The following AVEN variants were observed in gnomAD, a reference collection of about 807,000 sequenced individuals.
The protein encoded by AVEN is apoptosis and caspase activation inhibitor.
A neutral mutation model predicts 38.1 loss-of-function variants in AVEN; 41 were observed. The observed-to-expected ratio is 1.08, with a 90% CI of 0.84 to 1.40. The LOEUF (loss-of-function observed/expected upper bound fraction) is 1.40, where lower values mean the gene tolerates loss of function less well. Among genes scored for constraint, AVEN ranks in the 40% most tolerant of loss-of-function variants. The pLI, the probability that AVEN is intolerant of heterozygous loss-of-function variation, is 0.00. For missense variants in AVEN, 605 were observed against 438.8 expected, an observed-to-expected ratio of 1.38 and a Z score of -3.38; for synonymous variants, 206 against 171.8, an observed-to-expected ratio of 1.20 and a Z score of -1.56.
intron 5 of AVEN, among the ~76,000 whole-genome samples, chr15:34,044,776 C>T (rs1303854138): frequency 6.6e-6 from 1 of 152,138 alleles, no homozygotes; most frequent in Non-Finnish European, 1.5e-5. Flanking sequence ...TTTGGCTGGG[C>T]GCGGTGGCTC....
At chr15:33,965,096 T>A (rs1895336147) in intron 2 of AVEN, among the ~76,000 whole-genome samples, 1 of 152,164 alleles carries the variant, frequency 6.6e-6, no homozygotes, top group Non-Finnish European at 1.5e-5. Context: ...CTGTTAAAAA[T>A]TATGCATTAT....
chr15:33,933,384 G>T (rs909438899), intron 2 of AVEN, among the ~76,000 whole-genome samples: 5 of 152,048 alleles, frequency 3.3e-5, no homozygotes, highest in African/African-American at 1.2e-4. Context: ...GAGATGGAGA[G>T]AAATGAATGT....
chr15:33,997,737 A>T (rs984468304), intron 2 of AVEN, among the ~76,000 whole-genome samples: 2 of 152,046 alleles, frequency 1.3e-5, no homozygotes, highest in African/African-American at 4.8e-5. Context: ...CATTTCAATC[A>T]TTCTAATCAT....
chr15:34,051,085 A>T (rs1303794072), intron 5 of AVEN, among the ~76,000 whole-genome samples: 1 of 152,212 alleles, frequency 6.6e-6, no homozygotes, highest in Non-Finnish European at 1.5e-5. Context: ...TCTAAAACTG[A>T]TTACATAATC....
chr15:33,916,730 T>C (rs1893152364), intron 2 of AVEN, among the ~76,000 whole-genome samples: 1 of 152,150 alleles, frequency 6.6e-6, no homozygotes, highest in South Asian at 2.1e-4. Context: ...ACTTTTACAC[T>C]GCTGGTGTGA....
intron 1 of AVEN, among the ~76,000 whole-genome samples, chr15:34,004,316 CACAATGTGA>C (rs143895011): frequency 0.015 from 2,337 of 152,220 alleles, 60 homozygotes; most frequent in African/African-American, 0.052. Flanking sequence ...CAGAAAGATG[CACAATGTGA>C]ACAATTCTAG....
At chr15:33,862,486 T>C (rs8042944), downstream of AVEN, among the ~76,000 whole-genome samples, 149,834 of 152,336 alleles carry the variant, frequency 0.98, 73,742 homozygotes, top group Middle Eastern at 1. Context: ...GGATTACGGG[T>C]GTGAGCCACT....
chr15:34,040,515 A>G (rs1295783477), upstream of AVEN, among the ~76,000 whole-genome samples: 1 of 152,204 alleles, frequency 6.6e-6, no homozygotes, highest in Non-Finnish European at 1.5e-5. Context: ...ACCAAACACT[A>G]TTCTACATAC....
intron 2 of AVEN, among the ~76,000 whole-genome samples, chr15:33,884,161 A>G (rs1891603829): frequency 6.6e-6 from 1 of 152,196 alleles, no homozygotes; most frequent in Non-Finnish European, 1.5e-5. Context: ...GAGAGCATTT[A>G]CAATAATAAA....
intron 2 of AVEN, among the ~76,000 whole-genome samples, chr15:33,987,036 A>G (rs916003007): frequency 2.0e-5 from 3 of 152,338 alleles, no homozygotes; most frequent in African/African-American, 7.2e-5. Flanking sequence ...CAGGTTATGA[A>G]AAGCAGTATG....
At chr15:33,969,937 A>G (rs1202639655) in intron 2 of AVEN, among the ~76,000 whole-genome samples, 1 of 152,054 alleles carries the variant, frequency 6.6e-6, no homozygotes, top group Non-Finnish European at 1.5e-5. Context: ...TGAGACTTCT[A>G]GAGTGACAAT....
upstream of AVEN, among the ~76,000 whole-genome samples, chr15:34,043,191 G>A (rs893670112): frequency 2.1e-4 from 32 of 149,234 alleles, no homozygotes; most frequent in South Asian, 2.1e-4. Context: ...AGCTTGCAGT[G>A]AGCCGAGATC....
intron 2 of AVEN, among the ~76,000 whole-genome samples, chr15:33,932,914 T>TTG (rs1417616120): frequency 6.6e-6 from 1 of 152,078 alleles, no homozygotes; most frequent in Non-Finnish European, 1.5e-5. Flanking sequence ...ATATAGTGGG[T>TTG]GTCAGCATTT....
chr15:33,991,714 CTAAA>C (rs1049212126), intron 2 of AVEN: 1 of 151,906 alleles, frequency 6.6e-6, no homozygotes, highest in African/African-American at 2.4e-5. Context: ...TAAAGAAACA[CTAAA>C]TAAAGCAGAA....
chr15:33,896,978 GAGT>G (rs1892256823), intron 2 of AVEN, among the ~76,000 whole-genome samples: 1 of 152,144 alleles, frequency 6.6e-6, no homozygotes, highest in Non-Finnish European at 1.5e-5. Flanking sequence ...TCAGCTGAAT[GAGT>G]AGTAAAAAGG....
chr15:33,853,056 A>T, the AVEN span: 2 of 1,606,992 alleles, frequency 1.2e-6, no homozygotes, highest in South Asian at 2.2e-5. Context: ...TCTTTTCCTA[A>T]TAACTACTGG....
rs189718304 is a variant in AVEN, at chr15:33,955,449, C to T, written c.445+47583G>A. ...ATAAATCTGCAGGCATAATCCACAACGTACAACGCTTAAAACTATAATGTA... is the reference window on the plus strand; with the variant it reads ...ATAAATCTGCAGGCATAATCCACAATGTACAACGCTTAAAACTATAATGTA... On this transcript the variant is annotated intron_variant, in intron 2 of 5. Coordinates refer to ENST00000306730, the MANE Select transcript of AVEN (RefSeq NM_020371.3). Among the ~76,000 whole-genome samples, 219 of 152,260 alleles carry T rather than the reference C, an allele frequency of 1.4e-3. 1 individual carries two copies. The highest frequency in any genetic ancestry group is 0.013 in the Admixed American group (193 of 15,284).
intron 2 of AVEN, among the ~76,000 whole-genome samples, chr15:33,908,765 A>G (rs1368252916): frequency 6.6e-6 from 1 of 152,106 alleles, no homozygotes; most frequent in Non-Finnish European, 1.5e-5. Context: ...CTTCTTTGCT[A>G]TTGTGTATAA....
intron 1 of AVEN, among the ~76,000 whole-genome samples, chr15:34,023,778 TA>T (rs1314520299): frequency 1.3e-5 from 2 of 152,140 alleles, no homozygotes; most frequent in Non-Finnish European, 2.9e-5. Flanking sequence ...TGCTAGCAAC[TA>T]AAAAGACCTA....
Sources: gnomAD v4.1 joint callset for allele counts (sites outside exome capture counted in the v4.1 genomes callset) on GRCh38, gnomAD v4.1.1 for gene constraint, MANE v1.5 for transcripts, NCBI Gene and HGNC (gene_info 2026-07-23, HGNC 2026-07-21) for gene names.